Variants in PRR14L observed in about 807,000 individuals in gnomAD.
PRR14L encodes the protein proline rich 14 like, also known as protein PRR14L.
In PRR14L, 80 loss-of-function variants were observed where a neutral mutation model predicts 155.0. The ratio of observed to expected loss-of-function variants is 0.52; its 90% CI spans 0.43 to 0.62. PRR14L has a LOEUF of 0.62. PRR14L is among the 20% of genes least tolerant of loss of function. PRR14L has a pLI of 0.00. For synonymous variants in PRR14L, 883 were observed against 916.0 expected (o/e 0.96, Z 0.65); for missense variants, 2,469 against 2,548.0 (o/e 0.97, Z 0.67).
intron 7 of PRR14L, among the ~76,000 whole-genome samples, chr22:31,692,359 C>G (rs2074516003): frequency 6.6e-6 from 1 of 152,066 alleles, no homozygotes. Flanking sequence ...TCTTTACATC[C>G]TAGTGGGTGG....
intron 4 of PRR14L, among the ~76,000 whole-genome samples, chr22:31,707,824 A>G (rs1172613839): frequency 1.3e-5 from 2 of 152,160 alleles, no homozygotes; most frequent in African/African-American, 4.8e-5. Context: ...ACGTATTTTC[A>G]TGGCTGTCTT....
At chr22:31,734,602 C>G (rs2074768411) in intron 2 of PRR14L, among the ~76,000 whole-genome samples, 1 of 152,194 alleles carries the variant, frequency 6.6e-6, no homozygotes, top group Admixed American at 6.5e-5. Flanking sequence ...CTTCCACTGG[C>G]CTAACTGTGC....
chr22:31,746,948 C>A (rs1203495386), intron 1 of PRR14L, among the ~76,000 whole-genome samples: 1 of 151,938 alleles, frequency 6.6e-6, no homozygotes, highest in Non-Finnish European at 1.5e-5. Flanking sequence ...AGGTGCCCGC[C>A]ACCACGCCTG....
In PRR14L at chr22:31,717,300, G is replaced by C. The variant is rs142522580; in HGVS notation, c.548-9C>G. 1.5e-4 allele frequency: 230 copies of C among 1,523,672 alleles called. 1 individual carries two copies. In the Middle Eastern group the frequency reaches 2.4e-3, roughly 16 times the overall value. The allele number at this position is 1,523,672 out of a possible 1,614,324, so 94.4% of individuals were successfully genotyped here. On this transcript the variant is annotated splice_polypyrimidine_tract_variant and intron_variant, in intron 3 of 8. Transcript: ENST00000327423. ...AATCTGTACATTTCCTTCTGAATAA[G>C]AGAAATAAATCCAAATTAATATGCA...
At chr22:31,692,394 G>C (rs1478261105) in intron 7 of PRR14L, among the ~76,000 whole-genome samples, 1 of 152,042 alleles carries the variant, frequency 6.6e-6, no homozygotes, top group Non-Finnish European at 1.5e-5. Flanking sequence ...CTGTGGTTTT[G>C]ATTTGCAGTT....
At chr22:31,729,498 T>A (rs1287870018) in intron 2 of PRR14L, among the ~76,000 whole-genome samples, 1 of 152,096 alleles carries the variant, frequency 6.6e-6, no homozygotes, top group Non-Finnish European at 1.5e-5. Context: ...ATTACAGGCG[T>A]GAGCCACCAC....
At chr22:31,706,635 G>A (rs191781359) in intron 4 of PRR14L, among the ~76,000 whole-genome samples, 1 of 152,128 alleles carries the variant, frequency 6.6e-6, no homozygotes, top group African/African-American at 2.4e-5. Context: ...TATTGGCCAG[G>A]CTGGTCTCGA....
intron 3 of PRR14L, among the ~76,000 whole-genome samples, chr22:31,723,232 T>C (rs2074700564): frequency 6.6e-6 from 1 of 152,120 alleles, no homozygotes; most frequent in Non-Finnish European, 1.5e-5. Flanking sequence ...AAATCAAATA[T>C]TTTACCAATT....
At chr22:31,739,033 G>A (rs1367665191) in intron 1 of PRR14L, 122 bp from the exon 2 acceptor site, 20 of 525,422 alleles carry the variant, frequency 3.8e-5, no homozygotes, top group Middle Eastern at 4.9e-4. Context: ...AGCATTATCT[G>A]GCACCAAAAA....
In PRR14L at chr22:31,713,868, G is replaced by A. The variant is rs534609550; in HGVS notation, c.3971C>T (p.Pro1324Leu). Reference sequence around the variant, plus strand: ...TTTAATATCTGTTTTCACTGTCAAAGGCAAATGTCTGTCAGAGGAATTCTC... The same window carrying A: ...TTTAATATCTGTTTTCACTGTCAAAAGCAAATGTCTGTCAGAGGAATTCTC... ...PHENSSDRHLPLTVKTDIKVK... is the reference protein window; with the variant it reads ...PHENSSDRHLLLTVKTDIKVK... The change falls in exon 4 of 9, where the codon CCT becomes CTT. Residue 1324 changes from proline (P) to leucine (L), a missense_variant. Pro to Leu is a moderately conservative substitution (Grantham distance 98). Coordinates refer to ENST00000327423, the MANE Select transcript of PRR14L (RefSeq NM_173566.3). The A allele has an allele frequency of 9.0e-6, 14 of 1,552,170 alleles. No homozygotes were observed. The highest frequency in any genetic ancestry group is 4.9e-5 in the East Asian group (2 of 40,926).
intron 1 of PRR14L, 37 bp from the exon 2 acceptor site, chr22:31,738,948 C>T: frequency 1.1e-6 from 1 of 934,664 alleles, no homozygotes; most frequent in South Asian, 1.7e-5. Context: ...AAGTTTAAAA[C>T]CTTGATAGGT....
intron 4 of PRR14L, among the ~76,000 whole-genome samples, chr22:31,710,015 A>G (rs1569498253): frequency 6.6e-6 from 1 of 152,058 alleles, no homozygotes; most frequent in Non-Finnish European, 1.5e-5. Flanking sequence ...ATCCTGGCTC[A>G]CTGCAACCTC....
chr22:31,748,196 T>G (rs1322938168), intron 1 of PRR14L, among the ~76,000 whole-genome samples: 1 of 152,180 alleles, frequency 6.6e-6, no homozygotes, highest in Non-Finnish European at 1.5e-5. Context: ...TTCCAAAGAT[T>G]CAGACATTGT....
At position 31,712,375 on chromosome 22, in the gene PRR14L, T is replaced by A. The variant is rs1381838346; in HGVS notation, c.5464A>T (p.Thr1822Ser). Residue 1822 changes from threonine to serine, a missense_variant, in exon 4 of 9, where the codon ACA becomes TCA. Physicochemically the swap from Thr to Ser is moderately conservative, Grantham distance 58. Transcript: ENST00000327423. ...CCTGGGGAACAAAGTGCTAGAAGTG[T>A]GTGAAGGCCAAGGACAGAGCAGTCT... ...RADCSVLGLH[T>S]LLALCSPGCY... is the part of the protein sequence containing the mutation. The A allele has an allele frequency of 2.5e-6, 4 of 1,611,234 alleles. No individual in the cohort carries two copies. The highest frequency in any genetic ancestry group is 3.4e-6 in the Non-Finnish European group (4 of 1,178,622).
At chr22:31,735,349 G>C (rs1253881309) in intron 2 of PRR14L, among the ~76,000 whole-genome samples, 1 of 151,964 alleles carries the variant, frequency 6.6e-6, no homozygotes, top group Non-Finnish European at 1.5e-5. Flanking sequence ...GCTGAGGCAG[G>C]AGAATGGCAT....
chr22:31,716,229 TAA>T lies in PRR14L; in HGVS notation c.1608_1609del (p.Phe536LeufsTer3). The T allele has an allele frequency of 6.4e-7, 1 of 1,551,414 alleles. No homozygotes were observed. The highest frequency in any genetic ancestry group is 1.4e-5 in the African/African-American group (1 of 73,170). On this transcript the variant is annotated frameshift_variant, in exon 4 of 9. Coordinates refer to ENST00000327423, the MANE Select transcript of PRR14L (RefSeq NM_173566.3). LOFTEE classifies it high-confidence loss of function. ...GACTAAGGAGTTACAGTCTTTAGTGTAAAAAGATTTACTTAATATATTGGGCT... is the reference window on the plus strand; with the variant it reads ...GACTAAGGAGTTACAGTCTTTAGTGTAAAGATTTACTTAATATATTGGGCT...
At chr22:31,723,309 T>C (rs932807992) in intron 3 of PRR14L, among the ~76,000 whole-genome samples, 2 of 152,204 alleles carry the variant, frequency 1.3e-5, no homozygotes, top group Non-Finnish European at 2.9e-5. Flanking sequence ...TAGCTGCAGA[T>C]ACTGTTCAGG....
chr22:31,681,407 T>TAA lies in PRR14L; in HGVS notation c.*4119_*4120insTT, dbSNP rs2074453176. ...TTAACACACATAACAGTGGAAATCT[T>TAA]AGAGTCACAAACTACCAAACAGAAA... On this transcript the variant is annotated 3_prime_UTR_variant, in exon 9 of 9. Coordinates refer to ENST00000327423, the MANE Select transcript of PRR14L (RefSeq NM_173566.3). The TAA allele has an allele frequency of 6.6e-6, 1 of 152,208 alleles. No homozygotes were observed. Among genetic ancestry groups the TAA allele is most frequent in the African/African-American group, 2.4e-5 (1 of 41,452 alleles). The allele number at this position is 152,208 out of a possible 1,614,324, so 9.4% of individuals were successfully genotyped here.
rs112531886 is a variant in PRR14L, at chr22:31,717,283, C to A, written c.556G>T (p.Val186Leu). The A allele has an allele frequency of 0.032, 49,587 of 1,539,340 alleles. 989 individuals are homozygous for A. The highest frequency in any genetic ancestry group is 0.058 in the South Asian group (4,774 of 82,458). ...EDFLRSKEGN[V>L]QITAETLLKS... ...AGCAGAGTTTCAGCTGTAATCTGTA[C>A]ATTTCCTTCTGAATAAGAGAAATAA... Residue 186 changes from valine to leucine, a missense_variant, in exon 4 of 9, where the codon GTA (valine) becomes TTA (leucine). Physicochemically the swap from Val to Leu is conservative, Grantham distance 32 (BLOSUM62 1). Coordinates refer to ENST00000327423, the MANE Select transcript of PRR14L (RefSeq NM_173566.3).
Sources: allele counts gnomAD v4.1 joint callset (sites outside exome capture counted in the v4.1 genomes callset), GRCh38; gene constraint gnomAD v4.1.1; transcripts MANE v1.5; gene names NCBI Gene and HGNC (gene_info 2026-07-23, HGNC 2026-07-21).